The following PPP1R12A variants were observed in gnomAD, a reference collection of about 807,000 sequenced individuals.
PPP1R12A encodes protein phosphatase 1 regulatory subunit 12A.
In PPP1R12A, 19 loss-of-function variants were observed where a neutral mutation model predicts 139.6. The observed-to-expected ratio is 0.14, with a 90% CI of 0.09 to 0.20. The LOEUF is 0.20. Among genes scored for constraint, PPP1R12A ranks in the 10% least tolerant of loss-of-function variants. The pLI is 1.00. For missense variants in PPP1R12A, 925 were observed against 1,211.5 expected, an observed-to-expected ratio of 0.76 and a Z score of 3.51; for synonymous variants, 427 against 420.6, an observed-to-expected ratio of 1.02 and a Z score of -0.19.
At chr12:79,808,686 A>G (rs1874161487) in intron 10 of PPP1R12A, 109 bp from the exon 11 acceptor site, 1 of 534,266 alleles carries the variant, frequency 1.9e-6, no homozygotes, top group Non-Finnish European at 3.3e-6. Context: ...CATAGCTATC[A>G]TAGTTTACAG....
chr12:79,820,926 T>C lies in PPP1R12A; in HGVS notation c.962A>G (p.Glu321Gly). 2 of 1,613,142 alleles carry C rather than the reference T, an allele frequency of 1.2e-6. No homozygotes were observed. The highest frequency in any genetic ancestry group is 8.5e-7 in the Non-Finnish European group (1 of 1,179,634). The change falls in exon 8 of 25, where the codon GAG (glutamate) becomes GGG (glycine). Residue 321 changes from glutamate to glycine, a missense_variant. By Grantham distance (98) the Glu-to-Gly change is moderately conservative. Around this residue, in one of 4 missense-constraint regions of PPP1R12A, gnomAD observed 403 missense variants for 463.7 expected, o/e 0.87. Transcript: ENST00000450142. The stretch of plus-strand genomic sequence containing the variant: ...TTTCTCTGGTTCAATAATCAACGTC[T>C]CTTTGCTGTTAAAGGAAAACAGTGT... ...NQSQKTFKNK[E>G]TLIIEPEKNA...
intron 2 of PPP1R12A, among the ~76,000 whole-genome samples, chr12:79,846,490 C>T (rs374196744): frequency 8.6e-5 from 13 of 151,900 alleles, no homozygotes; most frequent in Non-Finnish European, 1.5e-4. Flanking sequence ...AGTGCAGCGG[C>T]GTAATCTCTG....
chr12:79,863,993 T>C (rs558152128), intron 2 of PPP1R12A, among the ~76,000 whole-genome samples: 8 of 152,276 alleles, frequency 5.3e-5, no homozygotes, highest in Admixed American at 6.5e-5. Flanking sequence ...GAAGACCGAA[T>C]AGACATCTAC....
chr12:79,845,185 T>C (rs1437824312), intron 3 of PPP1R12A, 117 bp downstream of exon 3: 3 of 739,314 alleles, frequency 4.1e-6, no homozygotes, highest in Non-Finnish European at 6.8e-6. Context: ...TTTTGCAAGC[T>C]GAATTCATTT....
At chr12:79,843,952 C>T (rs1157486710) in intron 3 of PPP1R12A, among the ~76,000 whole-genome samples, 3 of 152,086 alleles carry the variant, frequency 2.0e-5, no homozygotes, top group African/African-American at 7.2e-5. Flanking sequence ...ATCTGCCCGC[C>T]TTGGCCTCCC....
chr12:79,837,768 C>T (rs868296270), intron 3 of PPP1R12A, among the ~76,000 whole-genome samples: 2 of 152,174 alleles, frequency 1.3e-5, no homozygotes, highest in African/African-American at 4.8e-5. Context: ...TGAAGAAGGA[C>T]GTGTTTGCTT....
At chr12:79,855,759 C>T (rs1408827552) in intron 2 of PPP1R12A, among the ~76,000 whole-genome samples, 1 of 151,978 alleles carries the variant, frequency 6.6e-6, no homozygotes, top group African/African-American at 2.4e-5. Flanking sequence ...TACAAATAGC[C>T]TCCCATCAGT....
intron 1 of PPP1R12A, among the ~76,000 whole-genome samples, chr12:79,930,686 C>T (rs1467560057): frequency 1.3e-5 from 2 of 152,062 alleles, no homozygotes; most frequent in African/African-American, 4.8e-5. Flanking sequence ...CCAGGAGAAT[C>T]GCTCGAATCC....
In PPP1R12A at chr12:79,845,512, G is replaced by C. The variant is rs143537745; in HGVS notation, c.369-92C>G. 1,366 of 942,416 alleles carry C rather than the reference G, an allele frequency of 1.4e-3. 8 individuals are homozygous for C. In the African/African-American group the frequency reaches 0.02, roughly 14 times the overall value. 58.4% of individuals were successfully genotyped at this position (942,416 alleles called of 1,614,324 possible). A position where few individuals can be genotyped will look rare whatever the true frequency, so the allele number is the denominator to read the frequency against. ...CCAATGAGGAAAGTTCCTATATAAAGCAGCAATAAAGGGCAGTATATACAT... is the reference window on the plus strand; with the variant it reads ...CCAATGAGGAAAGTTCCTATATAAACCAGCAATAAAGGGCAGTATATACAT... On this transcript the variant is annotated intron_variant, in intron 2 of 24. Transcript: ENST00000450142.
At chr12:79,887,859 A>G (rs1036172632) in intron 1 of PPP1R12A, among the ~76,000 whole-genome samples, 4 of 152,162 alleles carry the variant, frequency 2.6e-5, no homozygotes, top group Non-Finnish European at 5.9e-5. Flanking sequence ...CTACACACCA[A>G]AGCGTTAATT....
At chr12:79,917,697 G>A (rs1451260164) in intron 1 of PPP1R12A, among the ~76,000 whole-genome samples, 1 of 151,666 alleles carries the variant, frequency 6.6e-6, no homozygotes, top group Non-Finnish European at 1.5e-5. Flanking sequence ...AATATTTTGA[G>A]CAAAAAAGAA....
chr12:79,844,266 C>T (rs1019122755), intron 3 of PPP1R12A, among the ~76,000 whole-genome samples: 8 of 152,084 alleles, frequency 5.3e-5, no homozygotes, highest in African/African-American at 7.2e-5. Context: ...ACTGCAGACT[C>T]GCATATTCAA....
At chr12:79,811,912 A>G (rs553311072) in intron 9 of PPP1R12A, among the ~76,000 whole-genome samples, 1 of 152,338 alleles carries the variant, frequency 6.6e-6, no homozygotes, top group Non-Finnish European at 1.5e-5. Flanking sequence ...ATTATAAAAC[A>G]GCCAGAGTCA....
chr12:79,924,704 C>G (rs142771402), intron 1 of PPP1R12A, among the ~76,000 whole-genome samples: 37 of 152,324 alleles, frequency 2.4e-4, no homozygotes, highest in African/African-American at 8.7e-4. Context: ...GCTGGGATTA[C>G]AGGCATGAGC....
chr12:79,787,545 C>G (rs1052782354), intron 21 of PPP1R12A: 2 of 152,148 alleles, frequency 1.3e-5, no homozygotes, highest in Admixed American at 1.3e-4. Flanking sequence ...CAGTTTTCCT[C>G]TTGTTGCCCA....
chr12:79,871,962 G>A (rs1017494900), intron 2 of PPP1R12A, among the ~76,000 whole-genome samples: 6 of 152,082 alleles, frequency 3.9e-5, no homozygotes, highest in South Asian at 4.1e-4. Flanking sequence ...AATAAAATTC[G>A]GGTAATTCAG....
intron 22 of PPP1R12A, among the ~76,000 whole-genome samples, chr12:79,786,007 G>C (rs1392772656): frequency 6.6e-6 from 1 of 152,048 alleles, no homozygotes; most frequent in Non-Finnish European, 1.5e-5. Flanking sequence ...ACCTTTACTT[G>C]AACAAACATA....
chr12:79,802,557 A>G (rs1873316290), intron 14 of PPP1R12A, among the ~76,000 whole-genome samples: 2 of 152,150 alleles, frequency 1.3e-5, no homozygotes, highest in African/African-American at 2.4e-5. Flanking sequence ...TCAAGGTGGG[A>G]AGACTGCTTG....
At chr12:79,889,081 T>G (rs952085294) in intron 1 of PPP1R12A, among the ~76,000 whole-genome samples, 2 of 152,218 alleles carry the variant, frequency 1.3e-5, no homozygotes, top group African/African-American at 4.8e-5. Context: ...ATTTATGGAC[T>G]AATATGAAAC....
Sources: gnomAD v4.1 joint callset for allele counts (sites outside exome capture counted in the v4.1 genomes callset) on GRCh38, gnomAD v4.1.1 for gene constraint, gnomAD v4.1.1 regional missense constraint, MANE v1.5 for transcripts, NCBI Gene and HGNC (gene_info 2026-07-23, HGNC 2026-07-21) for gene names.